The following ANKS6 variants were observed in gnomAD, a reference collection of about 807,000 sequenced individuals.
ANKS6 encodes ankyrin repeat and sterile alpha motif domain containing 6, also known as ankyrin repeat and SAM domain-containing protein 6.
In ANKS6, 47 loss-of-function variants were observed where a neutral mutation model predicts 77.9. The observed-to-expected ratio is 0.60, with a 90% confidence interval of 0.48 to 0.77. ANKS6 has a LOEUF of 0.77. ANKS6 is among the 30% of genes least tolerant of loss of function. The probability of loss-of-function intolerance (pLI) is 0.00; values close to 1 mark genes in which losing one functional copy is unlikely to be tolerated. For missense variants in ANKS6, 1,150 were observed against 1,159.1 expected, an observed-to-expected ratio of 0.99 and a Z score of 0.11; for synonymous variants, 488 against 501.7, an observed-to-expected ratio of 0.97 and a Z score of 0.37.
chr9:98,787,782 C>A (rs1307252495), intron 2 of ANKS6, among the ~76,000 whole-genome samples: 1 of 152,162 alleles, frequency 6.6e-6, no homozygotes, highest in Non-Finnish European at 1.5e-5. Flanking sequence ...TGACCAAGAC[C>A]ACCCAGGTAC....
chr9:98,751,123 A>G (rs754330467), intron 12 of ANKS6, 27 bp from the exon 13 acceptor site: 7 of 1,567,694 alleles, frequency 4.5e-6, no homozygotes, highest in Non-Finnish European at 6.1e-6. Context: ...TGAAAAAAAA[A>G]CAACACATTT....
chr9:98,759,505 C>T (rs1832900340), intron 11 of ANKS6, among the ~76,000 whole-genome samples: 1 of 152,222 alleles, frequency 6.6e-6, no homozygotes, highest in South Asian at 2.1e-4. Context: ...CAGATGCCAA[C>T]TGAAAGCCCC....
intron 11 of ANKS6, among the ~76,000 whole-genome samples, chr9:98,759,845 A>C (rs1229451020): frequency 6.6e-6 from 1 of 152,198 alleles, no homozygotes. Context: ...GGGAAGGGAG[A>C]GACAGGAAGA....
chr9:98,796,465 G>T lies in ANKS6; in HGVS notation c.27C>A (p.Ala9=). Residue 9 remains alanine (A), a synonymous_variant, in exon 1 of 15, where the codon GCC becomes GCA. Transcript: ENST00000353234. The part of the protein sequence containing the change: MGEGGLPP[A]FQLLLRACDQ... ...CACACGCGCGCAGCAGCAGCTGGAA[G>T]GCCGGGGGCAGCCCGCCCTCGCCCA... is the stretch of plus-strand genomic sequence containing the variant. The T allele has an allele frequency of 1.0e-6, 1 of 992,948 alleles. No individual in the cohort carries two copies. Among genetic ancestry groups the T allele is most frequent in the South Asian group, 4.5e-5 (1 of 22,246 alleles). 61.5% of individuals were successfully genotyped at this position (992,948 alleles called of 1,614,324 possible). A position where few individuals can be genotyped will look rare whatever the true frequency, so the allele number is the denominator to read the frequency against.
chr9:98,767,955 T>TG, intron 11 of ANKS6, 126 bp downstream of exon 11: 1 of 1,314,930 alleles, frequency 7.6e-7, no homozygotes, highest in Non-Finnish European at 1.0e-6. Context: ...CAGGAGTGGC[T>TG]GGCTGGAAGG....
intron 13 of ANKS6, among the ~76,000 whole-genome samples, chr9:98,746,751 AG>A (rs1435439183): frequency 6.6e-6 from 1 of 152,142 alleles, no homozygotes; most frequent in African/African-American, 2.4e-5. Flanking sequence ...TGAGGGCAGT[AG>A]CCCCCTTGTT....
intron 11 of ANKS6, among the ~76,000 whole-genome samples, chr9:98,762,681 G>A (rs1040153112): frequency 1.3e-5 from 2 of 152,100 alleles, no homozygotes; most frequent in African/African-American, 4.8e-5. Flanking sequence ...GAAGGCTAAT[G>A]ATTGATTTTA....
intron 9 of ANKS6, among the ~76,000 whole-genome samples, 154 bp from the exon 10 acceptor site, chr9:98,771,200 C>T (rs1412098172): frequency 6.6e-6 from 1 of 152,204 alleles, no homozygotes; most frequent in Non-Finnish European, 1.5e-5. Flanking sequence ...GCTGGGGAGT[C>T]CCTGAGGGAT....
chr9:98,793,813 G>GT (rs1199650677), intron 1 of ANKS6, among the ~76,000 whole-genome samples: 1 of 150,820 alleles, frequency 6.6e-6, no homozygotes, highest in African/African-American at 2.4e-5. Context: ...GATTACAGGC[G>GT]TGAGCCACCG....
intron 11 of ANKS6, among the ~76,000 whole-genome samples, chr9:98,760,766 A>C (rs1832962208): frequency 6.6e-6 from 1 of 151,734 alleles, no homozygotes; most frequent in Non-Finnish European, 1.5e-5. Flanking sequence ...CTATTATTAC[A>C]TGAATGTACT....
chr9:98,771,726 A>C (rs1833643949), intron 9 of ANKS6, among the ~76,000 whole-genome samples: 1 of 149,084 alleles, frequency 6.7e-6, no homozygotes, highest in African/African-American at 2.5e-5. Context: ...CACTCCTCCC[A>C]CAGCGGCTCC....
In ANKS6 at chr9:98,732,739, G is replaced by A. The variant is rs1347716689; in HGVS notation, c.*3780C>T. ...CAAAAGGGAAACTGGGACTCAAAGG[G>A]AAGAAGAAACGTGCTCAACATCACG... On this transcript the variant is annotated 3_prime_UTR_variant, in exon 15 of 15. Coordinates refer to ENST00000353234, the MANE Select transcript of ANKS6 (RefSeq NM_173551.5). 1 of 1,433,442 alleles carries A rather than the reference G, an allele frequency of 7.0e-7. No homozygotes were observed. Among genetic ancestry groups the A allele is most frequent in the Non-Finnish European group, 9.1e-7 (1 of 1,097,882 alleles). The allele number at this position is 1,433,442 out of a possible 1,614,324, so 88.8% of individuals were successfully genotyped here. A position where few individuals can be genotyped will look rare whatever the true frequency, so the allele number is the denominator to read the frequency against.
Position 98,733,519 on chromosome 9 carries a change from GA to G in ANKS6, c.*2999del. On this transcript the variant is annotated 3_prime_UTR_variant, in exon 15 of 15. Transcript: ENST00000353234. ...GCCACCTCTGCAGAGCTGCTGGGGAGAAAAAGGTGACCACCAAGGGCCCTGA... is the reference window on the plus strand; with the variant it reads ...GCCACCTCTGCAGAGCTGCTGGGGAGAAAAGGTGACCACCAAGGGCCCTGA... 1.0e-6 allele frequency: 1 copy of G among 985,494 alleles called. No individual in the cohort carries two copies. The highest frequency in any genetic ancestry group is 1.2e-6 in the Non-Finnish European group (1 of 829,970). 61.0% of individuals were successfully genotyped at this position (985,494 alleles called of 1,614,324 possible).
intron 8 of ANKS6, among the ~76,000 whole-genome samples, 185 bp from the exon 9 acceptor site, chr9:98,774,265 C>A (rs927029560): frequency 3.9e-5 from 6 of 152,206 alleles, no homozygotes; most frequent in Non-Finnish European, 8.8e-5. Flanking sequence ...GTCTGCTCTG[C>A]GCCAACACCA....
chr9:98,734,080 T>C lies in ANKS6; in HGVS notation c.*2439A>G. On this transcript the variant is annotated 3_prime_UTR_variant, in exon 15 of 15. Coordinates refer to ENST00000353234, the MANE Select transcript of ANKS6 (RefSeq NM_173551.5). ...ACATGTTCCGTGCTGCCTCCACACATGCCCCCGCTGGGGTGCCCTTTCTCT... is the reference window on the plus strand; with the variant it reads ...ACATGTTCCGTGCTGCCTCCACACACGCCCCCGCTGGGGTGCCCTTTCTCT... The C allele has an allele frequency of 1.0e-6, 1 of 985,454 alleles. No homozygotes were observed. The highest frequency in any genetic ancestry group is 1.2e-6 in the Non-Finnish European group (1 of 829,986). The allele number at this position is 985,454 out of a possible 1,614,324, so 61.0% of individuals were successfully genotyped here.
chr9:98,783,917 T>C, intron 4 of ANKS6, 36 bp downstream of exon 4: 1 of 1,504,770 alleles, frequency 6.6e-7, no homozygotes, highest in Non-Finnish European at 8.9e-7. Context: ...AGCATCTGTC[T>C]GGCCTTGTCG....
intron 11 of ANKS6, among the ~76,000 whole-genome samples, chr9:98,760,076 C>T (rs978200286): frequency 7.2e-5 from 11 of 152,054 alleles, no homozygotes; most frequent in Admixed American, 5.2e-4. Context: ...CTAAACATCA[C>T]TATGTACCCC....
intron 13 of ANKS6, 40 bp from the exon 14 acceptor site, chr9:98,745,715 C>G: frequency 6.7e-7 from 1 of 1,498,624 alleles, no homozygotes; most frequent in South Asian, 1.1e-5. Context: ...CTGCTGGATG[C>G]CACAGTTTCT....
intron 8 of ANKS6, among the ~76,000 whole-genome samples, chr9:98,776,979 C>T (rs886845417): frequency 6.6e-6 from 1 of 152,204 alleles, no homozygotes; most frequent in Non-Finnish European, 1.5e-5. Context: ...GGGGATTTTC[C>T]GTTACTCACA....
Sources: gnomAD v4.1 joint callset for allele counts (sites outside exome capture counted in the v4.1 genomes callset) on GRCh38, gnomAD v4.1.1 for gene constraint, MANE v1.5 for transcripts, NCBI Gene and HGNC (gene_info 2026-07-23, HGNC 2026-07-21) for gene names.